GLCCI1: variants seen among roughly 807,000 people sequenced by gnomAD.
GLCCI1 encodes the protein glucocorticoid-induced transcript 1 protein.
Under a neutral mutation model 52.2 loss-of-function variants are expected in GLCCI1, and 24 were observed. The observed-to-expected ratio is 0.46, with a 90% CI of 0.33 to 0.65. The LOEUF (loss-of-function observed/expected upper bound fraction) is 0.65, where lower values mean the gene tolerates loss of function less well. GLCCI1 is among the 30% of genes least tolerant of loss of function. The pLI is 0.02. For synonymous variants in GLCCI1, 310 were observed against 276.5 expected (o/e 1.12, Z -1.20); for missense variants, 704 against 701.5 (o/e 1.00, Z -0.04).
chr7:8,085,029 C>CT lies in GLCCI1; in HGVS notation c.1298+18dup. 6.2e-7 allele frequency: 1 copy of CT among 1,613,264 alleles called. No individual in the cohort carries two copies. The highest frequency in any genetic ancestry group is 1.1e-5 in the South Asian group (1 of 90,870). ...TTTGAGGAAATGGCGTAAGTAATGT[C>CT]TTTTTTGTCAGCTGGGATCTGCAAA... On this transcript the variant is annotated intron_variant, in intron 7 of 7. Transcript: ENST00000223145.
intron 3 of GLCCI1, among the ~76,000 whole-genome samples, chr7:8,037,849 A>G (rs992564550): frequency 6.6e-6 from 1 of 152,224 alleles, no homozygotes; most frequent in Non-Finnish European, 1.5e-5. Context: ...TAGCAATTCT[A>G]AATATATATG....
At chr7:7,976,204 C>T (rs553959997) in intron 1 of GLCCI1, among the ~76,000 whole-genome samples, 12 of 152,160 alleles carry the variant, frequency 7.9e-5, no homozygotes, top group Middle Eastern at 6.8e-3. Context: ...GTGGGCTGGG[C>T]GCAGTGGCTC....
At chr7:8,047,792 G>C (rs1013634826) in intron 3 of GLCCI1, among the ~76,000 whole-genome samples, 2 of 152,184 alleles carry the variant, frequency 1.3e-5, no homozygotes, top group Non-Finnish European at 2.9e-5. Flanking sequence ...AGTGACAGAA[G>C]TTCTTCTGCC....
intron 3 of GLCCI1, among the ~76,000 whole-genome samples, chr7:8,054,767 A>C (rs1782347463): frequency 6.6e-6 from 1 of 152,086 alleles, no homozygotes; most frequent in African/African-American, 2.4e-5. Flanking sequence ...TACATCACCT[A>C]AAATATGTAA....
chr7:8,058,419 A>G (rs1337918396), intron 4 of GLCCI1, among the ~76,000 whole-genome samples: 1 of 152,192 alleles, frequency 6.6e-6, no homozygotes, highest in Non-Finnish European at 1.5e-5. Flanking sequence ...AAGGCCAATG[A>G]AAAAGCAGGG....
intron 1 of GLCCI1, among the ~76,000 whole-genome samples, chr7:7,973,420 G>GTGTGTGTGTGTGTT: frequency 6.6e-6 from 1 of 151,338 alleles, no homozygotes; most frequent in South Asian, 2.1e-4. Flanking sequence ...GTGCGTGTGT[G>GTGTGTGTGTGTGTT]TGTGTGTGTG....
chr7:8,074,336 T>C (rs1782828745), intron 6 of GLCCI1, among the ~76,000 whole-genome samples: 1 of 152,178 alleles, frequency 6.6e-6, no homozygotes, highest in Non-Finnish European at 1.5e-5. Flanking sequence ...TATATGTCAT[T>C]CAAACTGTAG....
intron 1 of GLCCI1, among the ~76,000 whole-genome samples, chr7:7,998,196 T>G (rs1279689850): frequency 6.7e-6 from 1 of 150,278 alleles, no homozygotes; most frequent in Non-Finnish European, 1.5e-5. Context: ...TTTTTTGTTG[T>G]TGTTGTTTTT....
At chr7:7,983,545 A>G (rs1327828268) in intron 1 of GLCCI1, among the ~76,000 whole-genome samples, 1 of 152,178 alleles carries the variant, frequency 6.6e-6, no homozygotes, top group African/African-American at 2.4e-5. Context: ...ATAGCATGTC[A>G]TTTTTAGTAT....
intron 3 of GLCCI1, among the ~76,000 whole-genome samples, chr7:8,040,283 C>T (rs774669049): frequency 1.3e-5 from 2 of 151,868 alleles, no homozygotes; most frequent in Non-Finnish European, 2.9e-5. Flanking sequence ...CTCATGAGTT[C>T]AAGACCAGCC....
chr7:8,039,373 CAAT>C (rs1018715481), intron 3 of GLCCI1, among the ~76,000 whole-genome samples: 1 of 152,036 alleles, frequency 6.6e-6, no homozygotes, highest in African/African-American at 2.4e-5. Context: ...AATTAAGTGT[CAAT>C]GGCTGATCAG....
At chr7:8,072,479 A>T (rs1782784918) in intron 6 of GLCCI1, among the ~76,000 whole-genome samples, 1 of 152,178 alleles carries the variant, frequency 6.6e-6, no homozygotes, top group Admixed American at 6.5e-5. Flanking sequence ...ATTTCTTAAA[A>T]TGTCAGACTA....
chr7:8,046,629 A>G (rs924910911), intron 3 of GLCCI1, among the ~76,000 whole-genome samples: 7 of 152,174 alleles, frequency 4.6e-5, no homozygotes, highest in African/African-American at 1.4e-4. Context: ...AAATCTACCT[A>G]TAACCCAGAA....
chr7:7,973,414 G>C (rs538627647), intron 1 of GLCCI1, among the ~76,000 whole-genome samples: 1 of 23,886 alleles, frequency 4.2e-5, no homozygotes, highest in African/African-American at 3.3e-4. Flanking sequence ...CTTTGTGTGC[G>C]TGTGTGTGTG....
rs369965137 is a variant in GLCCI1 at position 8,078,372 on chromosome 7, A to C, written c.1178-6525A>C. Reference sequence around the variant, plus strand: ...TTGACACAGAAGTAGAGGCAGTAGGAGGGCAAGATAAGTAGCCATGTTAAT... The same window carrying C: ...TTGACACAGAAGTAGAGGCAGTAGGCGGGCAAGATAAGTAGCCATGTTAAT... On this transcript the variant is annotated intron_variant, in intron 6 of 7. Transcript: ENST00000223145. Among the ~76,000 whole-genome samples the C allele has an allele frequency of 2.5e-4, 38 of 152,270 alleles. No homozygotes were observed. In the East Asian group the frequency reaches 6.0e-3, roughly 24 times the overall value.
chr7:8,082,220 A>G (rs1199484677), intron 6 of GLCCI1, among the ~76,000 whole-genome samples: 4 of 152,212 alleles, frequency 2.6e-5, no homozygotes, highest in Non-Finnish European at 4.4e-5. Flanking sequence ...AATGAGTAGC[A>G]TAGGTTGGTC....
chr7:8,063,680 A>G (rs1290143948), intron 5 of GLCCI1, among the ~76,000 whole-genome samples: 1 of 136,886 alleles, frequency 7.3e-6, no homozygotes, highest in Admixed American at 8.4e-5. Flanking sequence ...GTATAGCGGC[A>G]CAGTCATGGC....
intron 5 of GLCCI1, among the ~76,000 whole-genome samples, chr7:8,069,082 ATCTTGGCTTGGCACTCCCAGGCTGCAGC>A (rs1288108370): frequency 6.6e-6 from 1 of 151,998 alleles, no homozygotes; most frequent in Non-Finnish European, 1.5e-5. Flanking sequence ...CTGGCTGCAG[ATCTTGGCTTGGCACTCCCAGGCTGCAGC>A]CCTGGGGTGA....
chr7:7,992,794 C>A (rs1486619576), intron 1 of GLCCI1, among the ~76,000 whole-genome samples: 3 of 151,610 alleles, frequency 2.0e-5, no homozygotes, highest in African/African-American at 7.3e-5. Context: ...TTTTTCTTAC[C>A]ATTTCCTATT....
Sources: allele counts gnomAD v4.1 joint callset (sites outside exome capture counted in the v4.1 genomes callset), GRCh38; gene constraint gnomAD v4.1.1; transcripts MANE v1.5; gene names NCBI Gene and HGNC (gene_info 2026-07-23, HGNC 2026-07-21).